The following TMEM131 variants were observed in gnomAD, a reference collection of about 807,000 sequenced individuals.
TMEM131 encodes transmembrane protein 131, also known as 2610524E03Rik.
A neutral mutation model predicts 211.6 loss-of-function variants in TMEM131; 66 were observed. The ratio of observed to expected loss-of-function variants is 0.31; its 90% CI spans 0.26 to 0.38. The LOEUF (loss-of-function observed/expected upper bound fraction) is 0.38, where lower values mean the gene tolerates loss of function less well. TMEM131 is among the 10% of genes least tolerant of loss of function. TMEM131 has a pLI of 1.00. For missense variants in TMEM131, 2,036 were observed against 2,299.3 expected, an observed-to-expected ratio of 0.89 and a Z score of 2.34; for synonymous variants, 844 against 841.3, an observed-to-expected ratio of 1.00 and a Z score of -0.06.
rs771733123 is a variant in TMEM131 at position 97,775,883 on chromosome 2, G to A, written c.4280C>T (p.Thr1427Ile). The A allele has an allele frequency of 1.2e-6, 2 of 1,613,988 alleles. No individual in the cohort carries two copies. Among genetic ancestry groups the A allele is most frequent in the Non-Finnish European group, 1.7e-6 (2 of 1,179,878 alleles). The change falls in exon 32 of 41, where the codon ACA (threonine) becomes ATA (isoleucine). Residue 1427 changes from threonine to isoleucine, a missense_variant. Physicochemically the swap from Thr to Ile is moderately conservative, Grantham distance 89. Around this residue, in one of 3 missense-constraint regions of TMEM131, gnomAD observed 1,623 missense variants for 1,805.9 expected, o/e 0.90. Transcript: ENST00000186436. The part of the protein sequence containing the change: ...LADDDSSSTT[T>I]ETSNPDTEPL... ...TTCTGTGTCAGGGTTGGAGGTCTCT[G>A]TGGTGGTGGAGGAGCTATCATCATC...
chr2:97,893,323 G>A (rs1675464432), intron 3 of TMEM131, among the ~76,000 whole-genome samples: 1 of 152,132 alleles, frequency 6.6e-6, no homozygotes, highest in African/African-American at 2.4e-5. Flanking sequence ...CCAAGTCTTT[G>A]CTATAGTGAG....
intron 1 of TMEM131, among the ~76,000 whole-genome samples, chr2:97,972,408 AAAAGAAAAAGGAAAG>A (rs1679336927): frequency 6.7e-6 from 1 of 148,796 alleles, no homozygotes; most frequent in Non-Finnish European, 1.5e-5. Flanking sequence ...AAAAAGAAAG[AAAAGAAAAAGGAAAG>A]AAAGGAAAGA....
At chr2:97,901,513 A>C (rs761919868) in intron 3 of TMEM131, among the ~76,000 whole-genome samples, 2 of 152,212 alleles carry the variant, frequency 1.3e-5, no homozygotes, top group Non-Finnish European at 2.9e-5. Context: ...TATTCACAGT[A>C]GCAAAGATAT....
rs542790800 is a variant in TMEM131 at position 97,757,444 on chromosome 2, G to A, written c.5368-61C>T. The A allele has an allele frequency of 1.8e-4, 274 of 1,517,364 alleles. 4 individuals are homozygous for A. In the South Asian group the frequency reaches 3.3e-3, roughly 18 times the overall value. 94.0% of individuals were successfully genotyped at this position (1,517,364 alleles called of 1,614,324 possible). A position where few individuals can be genotyped will look rare whatever the true frequency, so the allele number is the denominator to read the frequency against. ...GGCAGGCAGAGGGTCAAGTGGGTAA[G>A]GGGGTAAGGCTACAGAAAAGATGAG... is the stretch of plus-strand genomic sequence containing the variant. On this transcript the variant is annotated intron_variant, in intron 40 of 40. Coordinates refer to ENST00000186436, the MANE Select transcript of TMEM131 (RefSeq NM_015348.2).
At chr2:97,975,215 AAGGAAAAATTAC>A (rs1331699817) in intron 1 of TMEM131, among the ~76,000 whole-genome samples, 12 of 152,256 alleles carry the variant, frequency 7.9e-5, no homozygotes, top group African/African-American at 2.9e-4. Context: ...CTAGAAAATA[AAGGAAAAATTAC>A]ACTCTAAGTA....
intron 2 of TMEM131, among the ~76,000 whole-genome samples, chr2:97,922,768 T>G (rs984524419): frequency 1.3e-5 from 2 of 152,172 alleles, no homozygotes; most frequent in Non-Finnish European, 2.9e-5. Flanking sequence ...AGGAGAGAGC[T>G]TGAGGGGAAA....
chr2:97,775,814 G>T, intron 32 of TMEM131, 29 bp downstream of exon 32: 2 of 1,592,508 alleles, frequency 1.3e-6, no homozygotes, highest in Non-Finnish European at 1.7e-6. Context: ...TTTCTCCCTC[G>T]TGTTTTGTTG....
intron 4 of TMEM131, among the ~76,000 whole-genome samples, chr2:97,864,782 GACA>G (rs1383438526): frequency 1.3e-5 from 2 of 152,240 alleles, no homozygotes; most frequent in Non-Finnish European, 2.9e-5. Context: ...AGCCTGAGCT[GACA>G]ACGAGAGGCT....
intron 2 of TMEM131, among the ~76,000 whole-genome samples, chr2:97,925,702 TA>T (rs1352979052): frequency 6.6e-6 from 1 of 152,196 alleles, no homozygotes; most frequent in Admixed American, 6.5e-5. Flanking sequence ...TTAACTTCCA[TA>T]AACCTAATTT....
chr2:97,989,520 TGAA>T (rs57992681), intron 1 of TMEM131, among the ~76,000 whole-genome samples: 39,388 of 151,990 alleles, frequency 0.26, 5,503 homozygotes, highest in Middle Eastern at 0.36. Context: ...CAGCTTTACA[TGAA>T]GAAGTTCTGA....
intron 3 of TMEM131, among the ~76,000 whole-genome samples, chr2:97,890,447 T>C (rs35505530): frequency 0.33 from 50,833 of 152,016 alleles, 9,355 homozygotes; most frequent in Non-Finnish European, 0.39. Context: ...GGATAACTCA[T>C]TCTAAGATTT....
At position 97,953,551 on chromosome 2, in the gene TMEM131, T is replaced by C. The variant is rs542427691; in HGVS notation, c.188-26064A>G. ...TGCAAAATAATAAAACAAAAACTGA[T>C]AAAGCTAAATTACAGGTGGAGATTT... On this transcript the variant is annotated intron_variant, in intron 1 of 40. Coordinates refer to ENST00000186436, the MANE Select transcript of TMEM131 (RefSeq NM_015348.2). Among the ~76,000 whole-genome samples, 9 of 152,220 alleles carry C rather than the reference T, an allele frequency of 5.9e-5. No homozygotes were observed. In the South Asian group the frequency reaches 1.9e-3, roughly 32 times the overall value.
chr2:97,776,227 G>A (rs971655288), intron 31 of TMEM131, among the ~76,000 whole-genome samples: 1 of 151,854 alleles, frequency 6.6e-6, no homozygotes, highest in Non-Finnish European at 1.5e-5. Context: ...CTAATTTTTT[G>A]TATTTTTTAG....
chr2:97,860,442 G>A (rs1674021896), intron 4 of TMEM131, among the ~76,000 whole-genome samples: 1 of 152,088 alleles, frequency 6.6e-6, no homozygotes, highest in Non-Finnish European at 1.5e-5. Flanking sequence ...TTTGGTCCAT[G>A]GTTTTCGAAA....
intron 5 of TMEM131, among the ~76,000 whole-genome samples, chr2:97,848,914 C>G (rs182123686): frequency 2.0e-5 from 3 of 152,214 alleles, no homozygotes; most frequent in Admixed American, 1.3e-4. Context: ...AATCACATAT[C>G]TCAAGAAAGA....
chr2:97,832,559 G>C (rs546200354), intron 11 of TMEM131, among the ~76,000 whole-genome samples: 2 of 152,148 alleles, frequency 1.3e-5, no homozygotes, highest in South Asian at 4.1e-4. Context: ...GATAAAATCT[G>C]GGTATGGCCA....
At chr2:97,995,404 G>A (rs1334306611) in intron 1 of TMEM131, 72 bp downstream of exon 1, 4 of 1,274,802 alleles carry the variant, frequency 3.1e-6, no homozygotes, top group South Asian at 2.4e-5. Flanking sequence ...CTTCCTCCCG[G>A]CCCAGCCCTC....
chr2:97,923,627 T>TAA lies in TMEM131; in HGVS notation c.249+3798_249+3799insTT, dbSNP rs1559450353. 8.3e-3 allele frequency among the ~76,000 whole-genome samples: 828 copies of TAA among 99,504 alleles called. 5 individuals are homozygous for TAA. The highest frequency in any genetic ancestry group is 0.036 in the African/African-American group (784 of 22,024). 65.3% of individuals were successfully genotyped at this position (99,504 alleles called of 152,430 possible). A position where few individuals can be genotyped will look rare whatever the true frequency, so the allele number is the denominator to read the frequency against. ...ACAGAGCAAGACACTGTCTTTTTTTTTAAAAAAAAAAAAAAAAAAAAAAAA... is the reference window on the plus strand; with the variant it reads ...ACAGAGCAAGACACTGTCTTTTTTTTAATAAAAAAAAAAAAAAAAAAAAAAAA... On this transcript the variant is annotated intron_variant, in intron 2 of 40. Coordinates refer to ENST00000186436, the MANE Select transcript of TMEM131 (RefSeq NM_015348.2).
intron 25 of TMEM131, among the ~76,000 whole-genome samples, chr2:97,800,491 T>G (rs987539290): frequency 1.3e-5 from 2 of 151,928 alleles, no homozygotes; most frequent in African/African-American, 4.8e-5. Context: ...GGCTCACGCC[T>G]GTAATCCCAG....
Sources: allele counts gnomAD v4.1 joint callset (sites outside exome capture counted in the v4.1 genomes callset), GRCh38; gene constraint gnomAD v4.1.1; regional missense constraint gnomAD v4.1.1; transcripts MANE v1.5; gene names NCBI Gene and HGNC (gene_info 2026-07-23, HGNC 2026-07-21).